PLCL1: variants seen among roughly 807,000 people sequenced by gnomAD.
The protein encoded by PLCL1 is inactive phospholipase C-like protein 1.
A neutral mutation model predicts 84.4 loss-of-function variants in PLCL1; 41 were observed. The ratio of observed to expected loss-of-function variants is 0.49; its 90% CI spans 0.38 to 0.63. The LOEUF (loss-of-function observed/expected upper bound fraction) is 0.63, where lower values mean the gene tolerates loss of function less well. Among genes scored for constraint, PLCL1 ranks in the 30% least tolerant of loss-of-function variants. The pLI, the probability that PLCL1 is intolerant of heterozygous loss-of-function variation, is 0.00. For missense variants in PLCL1, 1,206 were observed against 1,367.8 expected (o/e 0.88, Z 1.87); for synonymous variants, 490 against 488.3 (o/e 1.00, Z -0.05).
At chr2:197,976,383 C>T (rs1393578097) in intron 1 of PLCL1, among the ~76,000 whole-genome samples, 1 of 152,184 alleles carries the variant, frequency 6.6e-6, no homozygotes, top group Non-Finnish European at 1.5e-5. Flanking sequence ...CCTGGTGTTC[C>T]AATCCCTGGC....
intron 1 of PLCL1, among the ~76,000 whole-genome samples, chr2:198,048,348 G>T (rs1241508831): frequency 1.3e-5 from 2 of 152,182 alleles, no homozygotes; most frequent in African/African-American, 4.8e-5. Context: ...TTCTCACATG[G>T]CCCAAAGGGG....
chr2:197,926,123 T>C lies in PLCL1; in HGVS notation c.240+120784T>C, dbSNP rs140823773. 2.1e-4 allele frequency among the ~76,000 whole-genome samples: 32 copies of C among 152,314 alleles called. No individual in the cohort carries two copies. The East Asian group carries it at 6.0e-3, about 28-fold the overall frequency. Reference sequence around the variant, plus strand: ...TGTTCACAGCATGTCAGCAAATAACTTGTCAAGCTTCAGTGGCTCACTGTG... The same window carrying C: ...TGTTCACAGCATGTCAGCAAATAACCTGTCAAGCTTCAGTGGCTCACTGTG... On this transcript the variant is annotated intron_variant, in intron 1 of 5. Transcript: ENST00000428675.
At chr2:198,115,916 A>G (rs952980293) in intron 5 of PLCL1, among the ~76,000 whole-genome samples, 1 of 148,904 alleles carries the variant, frequency 6.7e-6, no homozygotes, top group Admixed American at 6.7e-5. Flanking sequence ...TATATAAAAA[A>G]TTTTTATGAA....
At chr2:197,885,737 C>A (rs955852795) in intron 1 of PLCL1, among the ~76,000 whole-genome samples, 2 of 152,196 alleles carry the variant, frequency 1.3e-5, no homozygotes, top group Admixed American at 6.5e-5. Flanking sequence ...GTTTCGCTAT[C>A]TAATTATATT....
intron 1 of PLCL1, among the ~76,000 whole-genome samples, chr2:198,060,377 A>G (rs1260636917): frequency 1.3e-5 from 2 of 152,220 alleles, no homozygotes; most frequent in Admixed American, 6.5e-5. Flanking sequence ...TTAAGTCATT[A>G]CAGATGTTAA....
intron 1 of PLCL1, among the ~76,000 whole-genome samples, chr2:197,829,585 T>C (rs945324415): frequency 1.1e-4 from 16 of 152,234 alleles, no homozygotes; most frequent in Admixed American, 9.8e-4. Flanking sequence ...AACATGTAGA[T>C]TTTTGCTGTT....
At chr2:197,837,470 A>G (rs1018487879) in intron 1 of PLCL1, among the ~76,000 whole-genome samples, 2 of 152,236 alleles carry the variant, frequency 1.3e-5, no homozygotes, top group African/African-American at 4.8e-5. Context: ...GAAGGACATC[A>G]GGAGTATGTT....
chr2:197,897,682 C>A (rs1688181848), intron 1 of PLCL1, among the ~76,000 whole-genome samples: 1 of 152,004 alleles, frequency 6.6e-6, no homozygotes, highest in Admixed American at 6.6e-5. Context: ...ATAAAGATTG[C>A]TGGTTTCTGG....
chr2:198,088,713 C>T, intron 2 of PLCL1, 145 bp from the exon 3 acceptor site: 1 of 709,198 alleles, frequency 1.4e-6, no homozygotes, highest in Non-Finnish European at 2.6e-6. Context: ...GTGGTGATTG[C>T]TAAAAATTGA....
At chr2:197,952,086 A>G (rs1452614860) in intron 1 of PLCL1, among the ~76,000 whole-genome samples, 6 of 152,120 alleles carry the variant, frequency 3.9e-5, no homozygotes, top group Non-Finnish European at 8.8e-5. Context: ...TCAAACCTGA[A>G]TGAGAACAGC....
chr2:197,815,876 G>A (rs764353891), intron 1 of PLCL1, among the ~76,000 whole-genome samples: 6 of 152,124 alleles, frequency 3.9e-5, no homozygotes, highest in Non-Finnish European at 7.4e-5. Flanking sequence ...GAATGGATGA[G>A]GAGTTGCTTC....
At chr2:198,146,269 C>T (rs1694513975) in intron 5 of PLCL1, among the ~76,000 whole-genome samples, 1 of 152,036 alleles carries the variant, frequency 6.6e-6, no homozygotes, top group African/African-American at 2.4e-5. Flanking sequence ...CAAGGATGAC[C>T]CAGTATATTA....
At chr2:198,016,959 A>C (rs1234445803) in intron 1 of PLCL1, among the ~76,000 whole-genome samples, 2 of 152,172 alleles carry the variant, frequency 1.3e-5, no homozygotes, top group Admixed American at 1.3e-4. Flanking sequence ...CATGAAGGGC[A>C]TGGAGACTGG....
chr2:198,061,379 A>T (rs1692195424), intron 1 of PLCL1, among the ~76,000 whole-genome samples: 1 of 152,176 alleles, frequency 6.6e-6, no homozygotes, highest in Admixed American at 6.5e-5. Flanking sequence ...GATTTGTACT[A>T]CCTACACATT....
intron 1 of PLCL1, among the ~76,000 whole-genome samples, chr2:197,986,474 T>A (rs969868647): frequency 8.5e-5 from 13 of 152,156 alleles, no homozygotes; most frequent in Non-Finnish European, 1.6e-4. Flanking sequence ...ACCTCAGCCT[T>A]TGAGTAGCTA....
chr2:197,856,439 A>G (rs1424768493), intron 1 of PLCL1, among the ~76,000 whole-genome samples: 1 of 152,208 alleles, frequency 6.6e-6, no homozygotes, highest in African/African-American at 2.4e-5. Flanking sequence ...TGTTATTTTT[A>G]TAAAACAACT....
At chr2:198,142,144 A>G (rs1429292068) in intron 5 of PLCL1, among the ~76,000 whole-genome samples, 1 of 152,048 alleles carries the variant, frequency 6.6e-6, no homozygotes, top group Non-Finnish European at 1.5e-5. Flanking sequence ...TGGTGGGGGG[A>G]GGACTGCATT....
intron 1 of PLCL1, among the ~76,000 whole-genome samples, chr2:197,922,830 C>T (rs1292296703): frequency 6.1e-4 from 68 of 111,058 alleles, no homozygotes; most frequent in Middle Eastern, 5.4e-3. Flanking sequence ...AGAGGGGCTC[C>T]TCACTTCCCA....
chr2:197,846,051 A>G (rs773330453), intron 1 of PLCL1, among the ~76,000 whole-genome samples: 2 of 152,082 alleles, frequency 1.3e-5, no homozygotes, highest in Non-Finnish European at 2.9e-5. Flanking sequence ...CGAACAGTCT[A>G]CTCTGAGAGG....
Sources: allele counts gnomAD v4.1 joint callset (sites outside exome capture counted in the v4.1 genomes callset), GRCh38; gene constraint gnomAD v4.1.1; transcripts MANE v1.5; gene names NCBI Gene and HGNC (gene_info 2026-07-23, HGNC 2026-07-21).